Variants in C12orf42 observed in about 807,000 individuals in gnomAD.
The protein encoded by C12orf42 is uncharacterized protein C12orf42.
A neutral mutation model predicts 21.6 loss-of-function variants in C12orf42; 25 were observed. The observed-to-expected ratio is 1.16, with a 90% confidence interval of 0.84 to 1.62. The LOEUF is 1.62. Among genes scored for constraint, C12orf42 ranks in the 40% most tolerant of loss-of-function variants. The pLI, the probability that C12orf42 is intolerant of heterozygous loss-of-function variation, is 0.00. For missense variants in C12orf42, 483 were observed against 459.3 expected (o/e 1.05, Z -0.47); for synonymous variants, 174 against 175.0 (o/e 0.99, Z 0.05).
At chr12:103,206,881 C>T in the C12orf42 span, among the ~76,000 whole-genome samples, 1 of 152,204 alleles carries the variant, frequency 6.6e-6, no homozygotes, top group African/African-American at 2.4e-5. Flanking sequence ...CCGGCTAGAA[C>T]TGCTGCCTTA....
chr12:103,486,482 G>A (rs973918540), intron 1 of C12orf42, among the ~76,000 whole-genome samples: 6 of 152,124 alleles, frequency 3.9e-5, no homozygotes, highest in Non-Finnish European at 7.4e-5. Context: ...CATAAAATGA[G>A]TTAGGGAGGA....
the C12orf42 span, among the ~76,000 whole-genome samples, chr12:103,165,724 C>T: frequency 1.1e-3 from 162 of 152,298 alleles, 2 homozygotes; most frequent in East Asian, 0.028. Context: ...AGCTTATAAT[C>T]TGAAGACATC....
chr12:103,122,065 G>C, the C12orf42 span, among the ~76,000 whole-genome samples: 1 of 152,208 alleles, frequency 6.6e-6, no homozygotes, highest in Non-Finnish European at 1.5e-5. Context: ...AGTGCAAAAA[G>C]TATTTAGATG....
chr12:103,456,543 A>G (rs1283323153), intron 2 of C12orf42, among the ~76,000 whole-genome samples: 1 of 152,204 alleles, frequency 6.6e-6, no homozygotes, highest in Non-Finnish European at 1.5e-5. Context: ...CTGCACCAGG[A>G]AAAGGAATCT....
chr12:103,259,133 T>G (rs1168967210), intron 10 of C12orf42, among the ~76,000 whole-genome samples: 2 of 152,172 alleles, frequency 1.3e-5, no homozygotes, highest in African/African-American at 2.4e-5. Context: ...AACGGAAAAT[T>G]TAAAGCCTAA....
chr12:103,358,675 C>G (rs745523913), intron 4 of C12orf42, among the ~76,000 whole-genome samples: 21 of 151,892 alleles, frequency 1.4e-4, no homozygotes, highest in East Asian at 1.9e-4. Context: ...ATCTAAATAT[C>G]TTAATCATTA....
chr12:103,444,675 AT>A (rs1951467714), intron 2 of C12orf42, among the ~76,000 whole-genome samples: 1 of 152,206 alleles, frequency 6.6e-6, no homozygotes, highest in Admixed American at 6.5e-5. Context: ...CTTAACTAGA[AT>A]TTGAATTAGT....
At chr12:103,290,840 T>C (rs556334086) in intron 4 of C12orf42, among the ~76,000 whole-genome samples, 8 of 151,872 alleles carry the variant, frequency 5.3e-5, no homozygotes, top group Non-Finnish European at 1.0e-4. Flanking sequence ...AGAATGGACA[T>C]ACAAAGTGGA....
rs1019429273 is a variant in C12orf42, at chr12:103,417,764, C to A, written c.79-16089G>T. ...TGCCAGATAGATAAATGGATGGATG[C>A]AGAAATGGATAGGATAAGAAGTGGT... On this transcript the variant is annotated intron_variant, in intron 2 of 5. Coordinates refer to ENST00000548883, the MANE Select transcript of C12orf42 (RefSeq NM_198521.5). Among the ~76,000 whole-genome samples, 7 of 152,154 alleles carry A rather than the reference C, an allele frequency of 4.6e-5. No homozygotes were observed. The South Asian group carries it at 1.5e-3, about 32-fold the overall frequency.
intron 10 of C12orf42, among the ~76,000 whole-genome samples, chr12:103,242,734 G>A (rs1337905841): frequency 6.6e-6 from 1 of 151,686 alleles, no homozygotes; most frequent in Non-Finnish European, 1.5e-5. Context: ...TTTTAAGAAA[G>A]GAAAAACAAT....
intron 4 of C12orf42, among the ~76,000 whole-genome samples, chr12:103,334,002 T>C (rs1239414080): frequency 6.6e-6 from 1 of 152,218 alleles, no homozygotes; most frequent in Non-Finnish European, 1.5e-5. Flanking sequence ...AAAATTTAAG[T>C]CACTGAGTGT....
At chr12:103,247,705 T>G (rs1334864752) in intron 10 of C12orf42, among the ~76,000 whole-genome samples, 4 of 152,026 alleles carry the variant, frequency 2.6e-5, no homozygotes, top group Non-Finnish European at 5.9e-5. Context: ...TTGCCCCTAG[T>G]CTAGCTGGGC....
the C12orf42 span, among the ~76,000 whole-genome samples, chr12:103,074,872 G>T: frequency 6.6e-6 from 1 of 152,224 alleles, no homozygotes; most frequent in South Asian, 2.1e-4. Context: ...GATTGCTTGA[G>T]CCCAGGAGTT....
chr12:103,543,994 C>T, the C12orf42 span, among the ~76,000 whole-genome samples: 1 of 151,696 alleles, frequency 6.6e-6, no homozygotes, highest in Admixed American at 6.6e-5. Flanking sequence ...CCCGGGTTCA[C>T]ACCATTCTCA....
At chr12:103,356,587 G>A (rs2043584958) in intron 4 of C12orf42, among the ~76,000 whole-genome samples, 1 of 151,690 alleles carries the variant, frequency 6.6e-6, no homozygotes, top group Non-Finnish European at 1.5e-5. Context: ...CTAGATCCCT[G>A]AGGAATTGCC....
chr12:103,539,993 TTTTTTGTTTTTG>T, the C12orf42 span, among the ~76,000 whole-genome samples: 182 of 150,920 alleles, frequency 1.2e-3, 1 homozygote, highest in African/African-American at 4.1e-3. Flanking sequence ...CATGAGGTCG[TTTTTTGTTTTTG>T]TTTTTGTTTT....
chr12:103,094,806 G>A, the C12orf42 span, among the ~76,000 whole-genome samples: 4 of 152,002 alleles, frequency 2.6e-5, no homozygotes, highest in East Asian at 1.9e-4. Context: ...TCATGTGTCC[G>A]GTTGGATTGA....
At chr12:103,199,851 G>A in the C12orf42 span, among the ~76,000 whole-genome samples, 2 of 152,034 alleles carry the variant, frequency 1.3e-5, no homozygotes, top group African/African-American at 4.8e-5. Flanking sequence ...TGAAAATTTG[G>A]AGAAAAAGGA....
At chr12:103,137,457 T>A in the C12orf42 span, among the ~76,000 whole-genome samples, 2 of 151,526 alleles carry the variant, frequency 1.3e-5, no homozygotes, top group African/African-American at 4.9e-5. Context: ...AACAGTAAGA[T>A]TTCTAAAAAA....
Sources: allele counts gnomAD v4.1 joint callset (sites outside exome capture counted in the v4.1 genomes callset), GRCh38; gene constraint gnomAD v4.1.1; transcripts MANE v1.5; gene names NCBI Gene and HGNC (gene_info 2026-07-23, HGNC 2026-07-21).